The following HIF3A variants were observed in gnomAD, a reference collection of about 807,000 sequenced individuals.
HIF3A encodes hypoxia inducible factor 3 subunit alpha, also known as hypoxia-inducible factor 3-alpha.
HIF3A carries 41 observed loss-of-function variants against 67.2 expected under a neutral mutation model. The ratio of observed to expected loss-of-function variants is 0.61; its 90% CI spans 0.48 to 0.79. The LOEUF is 0.79. HIF3A is among the 30% of genes least tolerant of loss of function. HIF3A has a pLI of 0.00. For missense variants in HIF3A, 855 were observed against 898.0 expected (o/e 0.95, Z 0.61); for synonymous variants, 356 against 374.8 (o/e 0.95, Z 0.58).
At position 46,303,907 on chromosome 19, in the gene HIF3A, G is replaced by A. The variant is rs1396037084; in HGVS notation, c.36G>A (p.Thr12=). 3.1e-6 allele frequency: 5 copies of A among 1,608,324 alleles called. No individual in the cohort carries two copies. Among genetic ancestry groups the A allele is most frequent in the African/African-American group, 1.3e-5 (1 of 74,938 alleles). ...ALGLQRARST[T]ELRKEKSRDA... ...CTGCCCATGCCCTCAGGTCGACCAC[G>A]GAGCTGCGCAAGGAAAAGTCCCGGG... The change falls in exon 2 of 15, where the codon ACG becomes ACA. Residue 12 remains threonine, a synonymous_variant. Coordinates refer to ENST00000377670, the MANE Select transcript of HIF3A (RefSeq NM_152795.4).
chr19:46,328,041 A>G (rs1970919409), intron 11 of HIF3A, among the ~76,000 whole-genome samples: 1 of 152,246 alleles, frequency 6.6e-6, no homozygotes, highest in Non-Finnish European at 1.5e-5. Flanking sequence ...ATTACCGCCC[A>G]TGTAATTGAA....
intron 2 of HIF3A, chr19:46,304,985 C>T (rs535723424): frequency 5.3e-6 from 3 of 571,344 alleles, no homozygotes; most frequent in Admixed American, 5.1e-5. Context: ...CACCCACATC[C>T]TTAGAATTCT....
chr19:46,314,717 C>T (rs377425913), intron 8 of HIF3A, among the ~76,000 whole-genome samples: 18 of 146,538 alleles, frequency 1.2e-4, no homozygotes, highest in African/African-American at 3.5e-4. Context: ...TTACACCAAG[C>T]CCAGCTAATT....
chr19:46,331,987 C>T (rs530644830), intron 13 of HIF3A, among the ~76,000 whole-genome samples: 5 of 152,008 alleles, frequency 3.3e-5, no homozygotes, highest in Admixed American at 3.3e-4. Flanking sequence ...CAAACTAGAA[C>T]AGGTCTTGGC....
chr19:46,341,082 C>T lies in HIF3A; in HGVS notation c.*1460C>T, dbSNP rs538575700. The stretch of plus-strand genomic sequence containing the variant: ...CCTCCAACGCCCTCCGGTTCCAGAT[C>T]TTATATTCAGTGATTTCCTCTGGTT... On this transcript the variant is annotated 3_prime_UTR_variant, in exon 15 of 15. Transcript: ENST00000377670. 1 of 152,198 alleles carries T rather than the reference C, an allele frequency of 6.6e-6. No homozygotes were observed. The highest frequency in any genetic ancestry group is 1.9e-4 in the East Asian group (1 of 5,172). The allele number at this position is 152,198 out of a possible 1,614,324, so 9.4% of individuals were successfully genotyped here.
chr19:46,316,825 G>T (rs1475720749), intron 8 of HIF3A, among the ~76,000 whole-genome samples: 1 of 149,654 alleles, frequency 6.7e-6, no homozygotes, highest in East Asian at 1.9e-4. Context: ...AAAGAAAAAA[G>T]AATTATACCT....
At chr19:46,327,406 C>T (rs560248194) in intron 11 of HIF3A, among the ~76,000 whole-genome samples, 9 of 151,778 alleles carry the variant, frequency 5.9e-5, no homozygotes, top group African/African-American at 2.2e-4. Context: ...ACTTCCAACT[C>T]CCAGGTTCAA....
intron 3 of HIF3A, among the ~76,000 whole-genome samples, chr19:46,308,018 A>T (rs543686205): frequency 1.4e-4 from 22 of 151,954 alleles, no homozygotes; most frequent in African/African-American, 5.1e-4. Flanking sequence ...AGATAGATAG[A>T]TGAGGGCCTG....
chr19:46,323,464 T>G (rs1970535672), intron 10 of HIF3A, among the ~76,000 whole-genome samples: 1 of 152,120 alleles, frequency 6.6e-6, no homozygotes, highest in Non-Finnish European at 1.5e-5. Context: ...TCCTGAGGCC[T>G]AACACACCCA....
intron 8 of HIF3A, among the ~76,000 whole-genome samples, chr19:46,315,725 C>G (rs367807335): frequency 8.0e-5 from 12 of 150,866 alleles, no homozygotes; most frequent in African/African-American, 2.9e-4. Flanking sequence ...ACCAGCCTGG[C>G]CAACATGGCG....
At chr19:46,307,182 G>A (rs1237152726) in intron 3 of HIF3A, among the ~76,000 whole-genome samples, 1 of 152,130 alleles carries the variant, frequency 6.6e-6, no homozygotes, top group Non-Finnish European at 1.5e-5. Flanking sequence ...ACCTTGTACT[G>A]CTTTTGTTTT....
chr19:46,335,633 G>A (rs1164895575), intron 14 of HIF3A, among the ~76,000 whole-genome samples: 1 of 152,086 alleles, frequency 6.6e-6, no homozygotes, highest in African/African-American at 2.4e-5. Context: ...CTACTCTGGA[G>A]GCTGAGGTGG....
chr19:46,329,398 G>T lies in HIF3A; in HGVS notation c.1632G>T (p.Gly544=). ...AGCCCTCCCTGCTACCCCGCTGGGG[G>T]AGTGACCCCCGGCTGAGCTGCTCCA... is the stretch of plus-strand genomic sequence containing the variant. ...ALEPSLLPRW[G]SDPRLSCSSP... Residue 544 remains glycine, a synonymous_variant, in exon 12 of 15, where the codon GGG becomes GGT. Transcript: ENST00000377670. The T allele has an allele frequency of 6.2e-7, 1 of 1,608,606 alleles. No individual in the cohort carries two copies. Among genetic ancestry groups the T allele is most frequent in the Non-Finnish European group, 8.5e-7 (1 of 1,176,940 alleles).
In HIF3A at chr19:46,329,190, C is replaced by T. The variant is rs1350995201; in HGVS notation, c.1441-17C>T. The T allele has an allele frequency of 6.3e-7, 1 of 1,576,330 alleles. No individual in the cohort carries two copies. Among genetic ancestry groups the T allele is most frequent in the Non-Finnish European group, 8.6e-7 (1 of 1,157,740 alleles). On this transcript the variant is annotated splice_polypyrimidine_tract_variant and intron_variant, in intron 11 of 14. Coordinates refer to ENST00000377670, the MANE Select transcript of HIF3A (RefSeq NM_152795.4). ...AGTCCAAGGCTCATCCTCTTACCTC[C>T]CTCCTGCCCTCCGCAGGATGCTGAT...
intron 11 of HIF3A, among the ~76,000 whole-genome samples, chr19:46,327,468 A>T (rs925485093): frequency 1.3e-5 from 2 of 151,998 alleles, no homozygotes; most frequent in Non-Finnish European, 2.9e-5. Flanking sequence ...GGTGCCCACT[A>T]CCATGCCCAG....
Position 46,308,295 on chromosome 19 carries a change from C to CT in HIF3A, c.438_439insT (p.Pro147SerfsTer65). 1 of 1,610,004 alleles carries CT rather than the reference C, an allele frequency of 6.2e-7. No individual in the cohort carries two copies. The highest frequency in any genetic ancestry group is 8.5e-7 in the Non-Finnish European group (1 of 1,177,344). On this transcript the variant is annotated frameshift_variant, in exon 4 of 15. Transcript: ENST00000377670. LOFTEE classifies it high-confidence loss of function. ...AAGAGGAGCTTCAGGACGCCCTGAC[C>CT]CCCCAGCAGAGTGAGTTCCCTGGAG...
intron 1 of HIF3A, chr19:46,298,574 C>T (rs1312533638): frequency 1.7e-6 from 2 of 1,182,922 alleles, no homozygotes; most frequent in African/African-American, 1.6e-5. Context: ...GGCTGGCTGC[C>T]ATCCCACTGT....
chr19:46,323,531 G>A (rs574122795), intron 10 of HIF3A, among the ~76,000 whole-genome samples: 1 of 152,092 alleles, frequency 6.6e-6, no homozygotes. Context: ...ATAAAAGACT[G>A]TTCTAACAAA....
At chr19:46,326,514 T>C (rs1033919551) in intron 11 of HIF3A, among the ~76,000 whole-genome samples, 1 of 152,118 alleles carries the variant, frequency 6.6e-6, no homozygotes, top group African/African-American at 2.4e-5. Context: ...CAATGATTGA[T>C]GTCTCTCCCT....
Sources: allele counts gnomAD v4.1 joint callset (sites outside exome capture counted in the v4.1 genomes callset), GRCh38; gene constraint gnomAD v4.1.1; transcripts MANE v1.5; gene names NCBI Gene and HGNC (gene_info 2026-07-23, HGNC 2026-07-21).